The following HOMER2 variants were observed in gnomAD, a reference collection of about 807,000 sequenced individuals.
HOMER2 encodes the protein homer scaffold protein 2.
HOMER2 carries 27 observed loss-of-function variants against 47.0 expected under a neutral mutation model. The ratio of observed to expected loss-of-function variants is 0.57; its 90% CI spans 0.42 to 0.79. The LOEUF is 0.79. HOMER2 is among the 30% of genes least tolerant of loss of function. HOMER2 has a pLI of 0.00. For missense variants in HOMER2, 443 were observed against 435.0 expected (o/e 1.02, Z -0.16); for synonymous variants, 161 against 163.8 (o/e 0.98, Z 0.13).
At chr15:82,949,192 C>G (rs2054449824) in intron 1 of HOMER2, among the ~76,000 whole-genome samples, 1 of 152,096 alleles carries the variant, frequency 6.6e-6, no homozygotes, top group South Asian at 2.1e-4. Context: ...TGACGAGAGT[C>G]AGAAGCTCCA....
At chr15:82,854,878 C>T (rs914914223) in intron 5 of HOMER2, 78 bp from the exon 6 acceptor site, 19 of 1,525,538 alleles carry the variant, frequency 1.2e-5, no homozygotes, top group South Asian at 6.0e-5. Context: ...AAGGGGACTC[C>T]GCCATCCCTC....
At chr15:82,984,160 G>C (rs1449137367) in intron 1 of HOMER2, among the ~76,000 whole-genome samples, 1 of 151,716 alleles carries the variant, frequency 6.6e-6, no homozygotes, top group Admixed American at 6.6e-5. Flanking sequence ...AGCCTCCCGA[G>C]TAGCTAGGAC....
intron 1 of HOMER2, among the ~76,000 whole-genome samples, chr15:82,906,526 G>A (rs542932561): frequency 7.3e-5 from 11 of 151,216 alleles, no homozygotes; most frequent in African/African-American, 1.5e-4. Context: ...TCCGCCTCCC[G>A]GGTTCAAGTG....
At chr15:82,951,935 A>G (rs1014300134) in intron 1 of HOMER2, 34 of 411,472 alleles carry the variant, frequency 8.3e-5, no homozygotes, top group Non-Finnish European at 1.1e-4. Context: ...ACTCAGAAGC[A>G]TTAGTCACTT....
intron 1 of HOMER2, among the ~76,000 whole-genome samples, chr15:82,980,089 T>C (rs552441768): frequency 1.2e-4 from 18 of 152,312 alleles, no homozygotes; most frequent in Non-Finnish European, 1.2e-4. Flanking sequence ...AAGTGTATTA[T>C]ATATATGTAT....
At chr15:82,860,865 T>C (rs1280988915) in intron 4 of HOMER2, among the ~76,000 whole-genome samples, 1 of 150,416 alleles carries the variant, frequency 6.6e-6, no homozygotes, top group Non-Finnish European at 1.5e-5. Flanking sequence ...TGAACCTGGG[T>C]GGCAGAGGTT....
intron 1 of HOMER2, among the ~76,000 whole-genome samples, chr15:82,894,640 C>T (rs1161094302): frequency 7.1e-6 from 1 of 141,788 alleles, no homozygotes; most frequent in Non-Finnish European, 1.5e-5. Context: ...CACTGCACTC[C>T]AGCCTGGGCG....
At chr15:82,963,209 C>T (rs2054646375) in intron 1 of HOMER2, among the ~76,000 whole-genome samples, 6 of 152,064 alleles carry the variant, frequency 3.9e-5, no homozygotes, top group African/African-American at 1.2e-4. Context: ...CTTAGCCTCC[C>T]GAATAGCTGG....
At chr15:82,940,515 G>A (rs866486273) in intron 1 of HOMER2, among the ~76,000 whole-genome samples, 8 of 152,186 alleles carry the variant, frequency 5.3e-5, no homozygotes, top group South Asian at 2.1e-4. Flanking sequence ...AGGCCAAGGC[G>A]GGCGGATCAC....
At chr15:82,875,159 A>G in intron 3 of HOMER2, 114 bp downstream of exon 3, 2 of 1,285,400 alleles carry the variant, frequency 1.6e-6, no homozygotes, top group Non-Finnish European at 1.1e-6. Flanking sequence ...GAGGAGTGAA[A>G]CCAAAGACCA....
chr15:82,868,409 C>A (rs1253657625), intron 3 of HOMER2, among the ~76,000 whole-genome samples: 1 of 150,664 alleles, frequency 6.6e-6, no homozygotes, highest in Non-Finnish European at 1.5e-5. Context: ...GAACAACACA[C>A]ACAGAAGCCT....
chr15:82,927,672 G>GC (rs1390756909), intron 1 of HOMER2, among the ~76,000 whole-genome samples: 1 of 152,188 alleles, frequency 6.6e-6, no homozygotes, highest in East Asian at 1.9e-4. Context: ...AAGTTAGGAT[G>GC]TAAGAAGTGC....
chr15:82,875,167 C>G, intron 3 of HOMER2, 106 bp downstream of exon 3: 2 of 1,347,734 alleles, frequency 1.5e-6, no homozygotes, highest in Non-Finnish European at 2.1e-6. Flanking sequence ...AAACCAAAGA[C>G]CAGAAAGGAA....
At chr15:82,859,230 CATA>C in intron 4 of HOMER2, 95 bp from the exon 5 acceptor site, 1 of 1,582,878 alleles carries the variant, frequency 6.3e-7, no homozygotes, top group Non-Finnish European at 8.6e-7. Context: ...GCAAGTTAGG[CATA>C]ATAAGAAACT....
chr15:82,946,013 A>G (rs1267722177), intron 1 of HOMER2, among the ~76,000 whole-genome samples: 2 of 152,084 alleles, frequency 1.3e-5, no homozygotes, highest in Non-Finnish European at 2.9e-5. Context: ...AAGGGTAAAG[A>G]CAAAACAAGG....
intron 1 of HOMER2, among the ~76,000 whole-genome samples, chr15:82,945,382 T>C (rs1474832179): frequency 6.6e-6 from 1 of 152,168 alleles, no homozygotes; most frequent in Non-Finnish European, 1.5e-5. Flanking sequence ...ACTCAAGATA[T>C]TTTAAGTTGG....
chr15:82,891,218 G>C (rs1203615986), intron 2 of HOMER2, among the ~76,000 whole-genome samples: 1 of 152,142 alleles, frequency 6.6e-6, no homozygotes, highest in Non-Finnish European at 1.5e-5. Context: ...CCAGGAACTG[G>C]TGTGCAAATA....
At chr15:82,861,089 G>C (rs1034933078) in intron 4 of HOMER2, among the ~76,000 whole-genome samples, 3 of 152,168 alleles carry the variant, frequency 2.0e-5, no homozygotes. Context: ...TTGCTGATGA[G>C]GGTGTGGTAA....
chr15:82,900,412 T>G (rs2151121029), intron 1 of HOMER2, among the ~76,000 whole-genome samples: 2 of 152,306 alleles, frequency 1.3e-5, no homozygotes, highest in Middle Eastern at 3.4e-3. Context: ...CTGTCAATTA[T>G]CCCTAAATTA....
Sources: gnomAD v4.1 joint callset for allele counts (sites outside exome capture counted in the v4.1 genomes callset) on GRCh38, gnomAD v4.1.1 for gene constraint, MANE v1.5 for transcripts, NCBI Gene and HGNC (gene_info 2026-07-23, HGNC 2026-07-21) for gene names.